BEND4: variants seen among roughly 807,000 people sequenced by gnomAD.
BEND4 encodes the protein BEN domain containing 4.
Under a neutral mutation model 54.7 loss-of-function variants are expected in BEND4, and 27 were observed. The observed-to-expected ratio is 0.49, with a 90% CI of 0.36 to 0.68. The LOEUF (loss-of-function observed/expected upper bound fraction) is 0.68, where lower values mean the gene tolerates loss of function less well. BEND4 is among the 30% of genes least tolerant of loss of function. The probability of loss-of-function intolerance (pLI) is 0.00; values close to 1 mark genes in which losing one functional copy is unlikely to be tolerated. For missense variants in BEND4, 702 were observed against 697.2 expected, an observed-to-expected ratio of 1.01 and a Z score of -0.08; for synonymous variants, 327 against 299.5, an observed-to-expected ratio of 1.09 and a Z score of -0.95.
intron 3 of BEND4, among the ~76,000 whole-genome samples, chr4:42,132,625 C>G (rs998325523): frequency 6.6e-6 from 1 of 151,916 alleles, no homozygotes; most frequent in East Asian, 1.9e-4. Flanking sequence ...TTTCTATTTT[C>G]AGTAGAGAGG....
intron 5 of BEND4, among the ~76,000 whole-genome samples, chr4:42,118,175 T>C (rs1172933164): frequency 3.9e-5 from 6 of 152,038 alleles, no homozygotes; most frequent in Non-Finnish European, 7.4e-5. Flanking sequence ...GAAGATAGAG[T>C]ACAATAAAAT....
intron 3 of BEND4, among the ~76,000 whole-genome samples, chr4:42,141,241 A>C (rs1720869456): frequency 6.6e-6 from 1 of 152,214 alleles, no homozygotes; most frequent in South Asian, 2.1e-4. Flanking sequence ...CCTCCACAGG[A>C]CAATTGCACT....
rs761983325 is a variant in BEND4, at chr4:42,115,652, A to T, written c.*1866T>A. 1.3e-5 allele frequency: 2 copies of T among 152,248 alleles called. No individual in the cohort carries two copies. The highest frequency in any genetic ancestry group is 2.9e-5 in the Non-Finnish European group (2 of 68,036). 9.4% of individuals were successfully genotyped at this position (152,248 alleles called of 1,614,324 possible). A position where few individuals can be genotyped will look rare whatever the true frequency, so the allele number is the denominator to read the frequency against. The stretch of plus-strand genomic sequence containing the variant: ...CTTCTAGCGAAGATGTCATGTTGTC[A>T]AAGAATCTTATAAGACAGACACTGA... On this transcript the variant is annotated 3_prime_UTR_variant, in exon 6 of 6. Coordinates refer to ENST00000502486, the MANE Select transcript of BEND4 (RefSeq NM_207406.4).
chr4:42,121,439 A>G (rs1193862337), intron 4 of BEND4, among the ~76,000 whole-genome samples: 1 of 152,178 alleles, frequency 6.6e-6, no homozygotes, highest in African/African-American at 2.4e-5. Context: ...TGAGGCACCT[A>G]GTTTGTGCTC....
At chr4:42,135,699 C>T (rs944828138) in intron 3 of BEND4, among the ~76,000 whole-genome samples, 5 of 152,008 alleles carry the variant, frequency 3.3e-5, no homozygotes, top group Non-Finnish European at 7.4e-5. Context: ...GGCATGAACC[C>T]GGGAGGCAGA....
At chr4:42,121,351 G>A (rs1560575283) in intron 4 of BEND4, among the ~76,000 whole-genome samples, 1 of 152,190 alleles carries the variant, frequency 6.6e-6, no homozygotes, top group Non-Finnish European at 1.5e-5. Flanking sequence ...TCTGCGCGTG[G>A]AGACTCATCA....
intron 3 of BEND4, among the ~76,000 whole-genome samples, chr4:42,137,174 A>AT (rs1344528010): frequency 6.6e-6 from 1 of 152,200 alleles, no homozygotes; most frequent in East Asian, 1.9e-4. Context: ...TAGGAATGAT[A>AT]TTAATATTTG....
At chr4:42,123,702 A>AACAAAAAC (rs71200210) in intron 4 of BEND4, among the ~76,000 whole-genome samples, 3 of 144,478 alleles carry the variant, frequency 2.1e-5, no homozygotes, top group Non-Finnish European at 4.5e-5. Context: ...CAGAAAAAAA[A>AACAAAAAC]AAAAAAAAAA....
At chr4:42,127,097 G>A (rs1460505439) in intron 3 of BEND4, among the ~76,000 whole-genome samples, 1 of 151,962 alleles carries the variant, frequency 6.6e-6, no homozygotes, top group Non-Finnish European at 1.5e-5. Flanking sequence ...ATAGCAAACA[G>A]GAATTATCAT....
intron 2 of BEND4, among the ~76,000 whole-genome samples, chr4:42,148,684 C>T (rs951065667): frequency 3.3e-5 from 5 of 152,164 alleles, no homozygotes; most frequent in African/African-American, 1.2e-4. Context: ...ATCTGCCTGA[C>T]TCAAAAGCTT....
chr4:42,125,260 A>T (rs1470787544), intron 4 of BEND4, among the ~76,000 whole-genome samples: 12 of 152,204 alleles, frequency 7.9e-5, no homozygotes, highest in Non-Finnish European at 1.8e-4. Context: ...GGCATGTGGA[A>T]CACAGGCTCT....
intron 2 of BEND4, 95 bp downstream of exon 2, chr4:42,151,562 G>C (rs1292278657): frequency 4.7e-6 from 6 of 1,287,722 alleles, no homozygotes; most frequent in Non-Finnish European, 6.0e-6. Context: ...GGCCCAGCAC[G>C]GGTAAGTGTC....
In BEND4 at chr4:42,117,479, T is replaced by C. The variant is rs779248072; in HGVS notation, c.*39A>G. On this transcript the variant is annotated 3_prime_UTR_variant, in exon 6 of 6. Coordinates refer to ENST00000502486, the MANE Select transcript of BEND4 (RefSeq NM_207406.4). ...AACAGGACATTCACAATTGGAACTCTTGAGAGGACCAGCTGCTACAACAGG... is the reference window on the plus strand; with the variant it reads ...AACAGGACATTCACAATTGGAACTCCTGAGAGGACCAGCTGCTACAACAGG... 3.1e-4 allele frequency: 456 copies of C among 1,461,306 alleles called. No individual in the cohort carries two copies. Among genetic ancestry groups the C allele is most frequent in the Non-Finnish European group, 4.1e-4 (434 of 1,058,400 alleles). 90.5% of individuals were successfully genotyped at this position (1,461,306 alleles called of 1,614,324 possible).
intron 2 of BEND4, among the ~76,000 whole-genome samples, chr4:42,145,481 T>TC (rs1298662754): frequency 7.2e-5 from 11 of 151,808 alleles, no homozygotes; most frequent in Admixed American, 7.2e-4. Flanking sequence ...GATCACGAGG[T>TC]GGGAGATCGA....
At position 42,151,971 on chromosome 4, in the gene BEND4, GGCGGCGGGGGCGCCCGCACGT is replaced by G. The variant is rs1721312222; in HGVS notation, c.152_172del (p.His51_Pro57del). On this transcript the variant is annotated inframe_deletion, in exon 2 of 6. Coordinates refer to ENST00000502486, the MANE Select transcript of BEND4 (RefSeq NM_207406.4). The stretch of plus-strand genomic sequence containing the variant: ...GGCGTGCGGCGCGAAGGGCGGCGGG[GGCGGCGGGGGCGCCCGCACGT>G]GCGGCAGCTCCACCAGGGTGGGTCG... 8.0e-7 allele frequency: 1 copy of G among 1,251,604 alleles called. No homozygotes were observed. 77.5% of individuals were successfully genotyped at this position (1,251,604 alleles called of 1,614,324 possible).
At chr4:42,149,048 A>G (rs1391900029) in intron 2 of BEND4, among the ~76,000 whole-genome samples, 1 of 152,122 alleles carries the variant, frequency 6.6e-6, no homozygotes, top group Non-Finnish European at 1.5e-5. Flanking sequence ...CACTCCATTT[A>G]CTCTGGACAC....
intron 2 of BEND4, among the ~76,000 whole-genome samples, chr4:42,148,230 A>G (rs1231483749): frequency 1.3e-5 from 2 of 152,238 alleles, no homozygotes; most frequent in African/African-American, 4.8e-5. Flanking sequence ...CTTGTCTTAA[A>G]TCAATGAACT....
chr4:42,132,592 C>T (rs1485409966), intron 3 of BEND4, among the ~76,000 whole-genome samples: 1 of 151,914 alleles, frequency 6.6e-6, no homozygotes, highest in Non-Finnish European at 1.5e-5. Flanking sequence ...TTACAGGCGT[C>T]CGCCACCATG....
At chr4:42,132,018 G>GA (rs540335641) in intron 3 of BEND4, among the ~76,000 whole-genome samples, 38 of 149,632 alleles carry the variant, frequency 2.5e-4, no homozygotes, top group East Asian at 9.8e-4. Flanking sequence ...TATTTTCTGT[G>GA]AAAAAAAAAA....
Sources: allele counts gnomAD v4.1 joint callset (sites outside exome capture counted in the v4.1 genomes callset), GRCh38; gene constraint gnomAD v4.1.1; transcripts MANE v1.5; gene names NCBI Gene and HGNC (gene_info 2026-07-23, HGNC 2026-07-21).